The following RBFOX1 variants were observed in gnomAD, a reference collection of about 807,000 sequenced individuals.
RBFOX1 encodes RNA binding fox-1 homolog 1.
Under a neutral mutation model 57.7 loss-of-function variants are expected in RBFOX1, and 8 were observed. That is an observed-to-expected ratio of 0.14 (90% CI 0.08 to 0.25). The LOEUF (loss-of-function observed/expected upper bound fraction) is 0.25, where lower values mean the gene tolerates loss of function less well. Ranked by LOEUF, RBFOX1 falls within the 10% of genes least tolerant of loss-of-function variation. The pLI is 1.00. For missense variants in RBFOX1, 611 were observed against 548.5 expected, an observed-to-expected ratio of 1.11 and a Z score of -1.14; for synonymous variants, 326 against 222.4, an observed-to-expected ratio of 1.47 and a Z score of -4.15.
In RBFOX1 at chr16:5,300,708, T is replaced by TA. The variant is rs2063782666; in HGVS notation, c.219+60604dup. Among the ~76,000 whole-genome samples the TA allele has an allele frequency of 2.0e-5, 3 of 152,346 alleles. No homozygotes were observed. In the South Asian group the frequency reaches 6.2e-4, roughly 32 times the overall value. ...TAACTGTAAAACTTTTCATATTTTC[T>TA]AGTTGCTTTTTTTGGTTTTGGTACT... On this transcript the variant is annotated intron_variant, in intron 1 of 2. Transcript: ENST00000585867.
At chr16:7,335,163 C>G (rs11640041) in intron 4 of RBFOX1, among the ~76,000 whole-genome samples, 6,391 of 152,322 alleles carry the variant, frequency 0.042, 195 homozygotes, top group Admixed American at 0.07. Flanking sequence ...AACTGTATCA[C>G]TCACAGATGC....
intron 4 of RBFOX1, chr16:7,510,274 A>C (rs1216797367): frequency 1.0e-6 from 1 of 985,766 alleles, no homozygotes; most frequent in Non-Finnish European, 1.2e-6. Context: ...AACAGCTGCT[A>C]AGTTTATGGA....
chr16:6,784,272 T>C (rs1603623238), intron 3 of RBFOX1, among the ~76,000 whole-genome samples: 1 of 152,146 alleles, frequency 6.6e-6, no homozygotes, highest in African/African-American at 2.4e-5. Context: ...TTTAGGTTAT[T>C]TTCTAAATAT....
In RBFOX1 at chr16:6,484,028, G is replaced by A. The variant is rs115617553; in HGVS notation, c.-64+166971G>A. On this transcript the variant is annotated intron_variant, in intron 2 of 15. Coordinates refer to ENST00000550418, the MANE Select transcript of RBFOX1 (RefSeq NM_018723.4). Reference sequence around the variant, plus strand: ...CTTGGAGAGGGCTAGGGGGCGTTTAGAGGGATTGGGGAGCCCGGAGATGCA... The same window carrying A: ...CTTGGAGAGGGCTAGGGGGCGTTTAAAGGGATTGGGGAGCCCGGAGATGCA... The A allele has an allele frequency of 2.9e-3, 2,321 of 797,020 alleles. 50 individuals are homozygous for A. The African/African-American group carries it at 0.038, about 13-fold the overall frequency. 49.4% of individuals were successfully genotyped at this position (797,020 alleles called of 1,614,324 possible).
intron 2 of RBFOX1, among the ~76,000 whole-genome samples, chr16:5,552,334 T>C (rs745505098): frequency 6.6e-6 from 1 of 152,206 alleles, no homozygotes; most frequent in East Asian, 1.9e-4. Context: ...TTCTGCCTTA[T>C]TTTTCCAGCG....
rs979964940 is a variant in RBFOX1, at chr16:5,428,126, G to C, written c.220-39090G>C. On this transcript the variant is annotated intron_variant, in intron 1 of 2. Transcript: ENST00000585867. ...GAAGGGTGTGTGTGTGTGTGTCTGTGTGTGTGTGTGTGTGTGTGTGTATGT... is the reference window on the plus strand; with the variant it reads ...GAAGGGTGTGTGTGTGTGTGTCTGTCTGTGTGTGTGTGTGTGTGTGTATGT... 1.5e-3 allele frequency among the ~76,000 whole-genome samples: 178 copies of C among 121,544 alleles called. 2 individuals carry two copies. The highest frequency in any genetic ancestry group is 7.8e-3 in the African/African-American group (173 of 22,168). 79.7% of individuals were successfully genotyped at this position (121,544 alleles called of 152,430 possible).
intron 1 of RBFOX1, among the ~76,000 whole-genome samples, chr16:6,310,920 AG>A (rs1179525800): frequency 6.7e-6 from 1 of 148,724 alleles, no homozygotes; most frequent in Non-Finnish European, 1.5e-5. Flanking sequence ...AAAAAAAAAA[AG>A]AACAGAATCC....
intron 2 of RBFOX1, among the ~76,000 whole-genome samples, chr16:6,500,841 A>C (rs1447795996): frequency 8.1e-6 from 1 of 123,436 alleles, no homozygotes; most frequent in African/African-American, 2.8e-5. Context: ...TTGTCCATTA[A>C]GATCATTGTC....
chr16:5,447,396 C>CTCTG (rs1216444164), intron 1 of RBFOX1, among the ~76,000 whole-genome samples: 2 of 151,736 alleles, frequency 1.3e-5, no homozygotes, highest in African/African-American at 4.8e-5. Flanking sequence ...CTCTCTCTCT[C>CTCTG]TCTCTCTCTC....
intron 5 of RBFOX1, chr16:7,519,583 TTGTG>T (rs1341517694): frequency 5.5e-6 from 2 of 362,562 alleles, no homozygotes; most frequent in Admixed American, 1.3e-4. Context: ...TAATGTTCAT[TTGTG>T]TGCCACCTAA....
intron 4 of RBFOX1, among the ~76,000 whole-genome samples, chr16:7,330,075 C>G (rs960012940): frequency 6.6e-6 from 1 of 152,008 alleles, no homozygotes; most frequent in African/African-American, 2.4e-5. Flanking sequence ...TCTGATGTGA[C>G]CAGCATGATA....
chr16:7,134,714 T>G (rs1282952709), intron 4 of RBFOX1, among the ~76,000 whole-genome samples: 1 of 152,180 alleles, frequency 6.6e-6, no homozygotes, highest in Non-Finnish European at 1.5e-5. Context: ...AAAACTACTT[T>G]TGTTGTGTTG....
chr16:7,674,797 T>G (rs1024610216), intron 13 of RBFOX1, among the ~76,000 whole-genome samples: 1 of 152,164 alleles, frequency 6.6e-6, no homozygotes, highest in African/African-American at 2.4e-5. Flanking sequence ...ATTTAGTTGT[T>G]TGCACCGCAG....
In RBFOX1 at chr16:6,859,127, A is replaced by ATG. The variant is rs1423010190; in HGVS notation, c.-15-192929_-15-192928insGT. Among the ~76,000 whole-genome samples the ATG allele has an allele frequency of 1.4e-3, 95 of 67,858 alleles. 5 individuals carry two copies. Among genetic ancestry groups the ATG allele is most frequent in the African/African-American group, 9.1e-3 (89 of 9,742 alleles). The allele number at this position is 67,858 out of a possible 152,430, so 44.5% of individuals were successfully genotyped here. A position where few individuals can be genotyped will look rare whatever the true frequency, so the allele number is the denominator to read the frequency against. ...AAAAAAAGTGTATATATATATATAT[A>ATG]TACATATATATACGTATATATATAT... On this transcript the variant is annotated intron_variant, in intron 3 of 15. Transcript: ENST00000550418.
At chr16:7,018,999 A>G (rs2153668286) in intron 3 of RBFOX1, among the ~76,000 whole-genome samples, 1 of 152,140 alleles carries the variant, frequency 6.6e-6, no homozygotes, top group East Asian at 1.9e-4. Flanking sequence ...GCAAAGAAGA[A>G]GCAAAAAGAA....
chr16:6,580,758 C>T (rs1282191480), intron 2 of RBFOX1, among the ~76,000 whole-genome samples: 1 of 152,170 alleles, frequency 6.6e-6, no homozygotes, highest in African/African-American at 2.4e-5. Flanking sequence ...TCCCTGGCCC[C>T]ACAAAGCTAA....
chr16:7,095,952 G>C (rs1424587580), intron 4 of RBFOX1, among the ~76,000 whole-genome samples: 3 of 148,604 alleles, frequency 2.0e-5, no homozygotes, highest in Non-Finnish European at 4.4e-5. Flanking sequence ...GGCGGAGCTT[G>C]CAGTGAGCTG....
intron 3 of RBFOX1, among the ~76,000 whole-genome samples, chr16:7,024,911 C>G (rs2040435051): frequency 6.6e-6 from 1 of 152,074 alleles, no homozygotes. Flanking sequence ...GCACTCCTCA[C>G]TTTATAGAGG....
intron 4 of RBFOX1, among the ~76,000 whole-genome samples, chr16:7,174,935 A>G (rs1250102782): frequency 6.6e-6 from 1 of 152,172 alleles, no homozygotes; most frequent in Admixed American, 6.5e-5. Context: ...AATTACTGCC[A>G]TTCTAGTGGG....
Sources: allele counts gnomAD v4.1 joint callset (sites outside exome capture counted in the v4.1 genomes callset), GRCh38; gene constraint gnomAD v4.1.1; transcripts MANE v1.5; gene names NCBI Gene and HGNC (gene_info 2026-07-23, HGNC 2026-07-21).